PPM1L: variants seen among roughly 807,000 people sequenced by gnomAD.
PPM1L encodes the protein protein phosphatase 1L.
Under a neutral mutation model 31.4 loss-of-function variants are expected in PPM1L, and 13 were observed. That is an observed-to-expected ratio of 0.41 (90% CI 0.27 to 0.66). The LOEUF is 0.66. Ranked by LOEUF, PPM1L falls within the 30% of genes least tolerant of loss-of-function variation. PPM1L has a pLI of 0.29. For synonymous variants in PPM1L, 184 were observed against 175.4 expected, an observed-to-expected ratio of 1.05 and a Z score of -0.39; for missense variants, 326 against 453.7, an observed-to-expected ratio of 0.72 and a Z score of 2.56.
chr3:161,042,795 T>C (rs906504506), intron 2 of PPM1L, among the ~76,000 whole-genome samples: 1 of 151,430 alleles, frequency 6.6e-6, no homozygotes, highest in African/African-American at 2.4e-5. Flanking sequence ...CTGAGGCGGG[T>C]GAATCACGAG....
intron 1 of PPM1L, among the ~76,000 whole-genome samples, chr3:160,889,481 A>C (rs1017795544): frequency 5.9e-5 from 9 of 152,174 alleles, no homozygotes; most frequent in African/African-American, 2.2e-4. Context: ...GAGACCAATA[A>C]AAAGTTCTGA....
In PPM1L at chr3:161,068,987, TG is replaced by T; in HGVS notation, c.916del (p.Asp306MetfsTer26). 1 of 1,614,178 alleles carries T rather than the reference TG, an allele frequency of 6.2e-7. No individual in the cohort carries two copies. The highest frequency in any genetic ancestry group is 8.5e-7 in the Non-Finnish European group (1 of 1,180,020). On this transcript the variant is annotated frameshift_variant, in exon 4 of 4. Transcript: ENST00000498165. LOFTEE classifies it high-confidence loss of function. ...EFMILASDGL[W>X]DAFSNEEAVR... ...CATGATCTTGGCATCAGATGGTCTC[TG>T]GGATGCTTTCAGCAATGAAGAAGCA... is the stretch of plus-strand genomic sequence containing the variant.
rs545812400 is a variant in PPM1L, at chr3:160,976,747, C to T, written c.574+14837C>T. ...CCCCTTTATCATTTTTTATTGCGTC[C>T]ATTTGATTCTTCTCTCTTTTTTTCT... On this transcript the variant is annotated intron_variant, in intron 2 of 3. Transcript: ENST00000498165. Among the ~76,000 whole-genome samples the T allele has an allele frequency of 3.6e-4, 55 of 151,932 alleles. 1 individual carries two copies. The highest frequency in any genetic ancestry group is 1.3e-3 in the South Asian group (6 of 4,794).
intron 2 of PPM1L, among the ~76,000 whole-genome samples, chr3:160,971,014 T>A (rs147087932): frequency 0.011 from 1,608 of 152,272 alleles, 29 homozygotes; most frequent in African/African-American, 0.037. Flanking sequence ...TTATAATTCT[T>A]ACACTTTCCA....
chr3:160,909,297 T>C (rs1713871396), intron 1 of PPM1L, among the ~76,000 whole-genome samples: 1 of 152,068 alleles, frequency 6.6e-6, no homozygotes, highest in Admixed American at 6.6e-5. Flanking sequence ...ATGGAGAACA[T>C]AGATATAAGA....
intron 2 of PPM1L, among the ~76,000 whole-genome samples, chr3:161,037,285 G>A (rs1576798447): frequency 6.6e-6 from 1 of 152,136 alleles, no homozygotes. Flanking sequence ...TGCTCAGGGG[G>A]AAATCAACTG....
intron 1 of PPM1L, among the ~76,000 whole-genome samples, chr3:160,940,100 C>T (rs985953603): frequency 1.3e-4 from 20 of 152,082 alleles, no homozygotes; most frequent in African/African-American, 4.6e-4. Context: ...ATTTTGCCTC[C>T]GCCCTAGAGA....
intron 1 of PPM1L, among the ~76,000 whole-genome samples, chr3:160,817,543 G>A (rs1342025545): frequency 6.6e-6 from 1 of 152,018 alleles, no homozygotes; most frequent in East Asian, 1.9e-4. Flanking sequence ...CTAGCAACGT[G>A]GGAAATCCCA....
Position 161,070,372 on chromosome 3 carries a change from G to A in PPM1L, c.*1215G>A, listed in dbSNP as rs146768336. The A allele has an allele frequency of 6.6e-6, 1 of 152,300 alleles. No homozygotes were observed. Among genetic ancestry groups the A allele is most frequent in the African/African-American group, 2.4e-5 (1 of 41,562 alleles). 9.4% of individuals were successfully genotyped at this position (152,300 alleles called of 1,614,324 possible). ...TGGTTGCAAATCTCCATCCACATCA[G>A]GGAGCTTTCCCCAGGCAAATACAAA... On this transcript the variant is annotated 3_prime_UTR_variant, in exon 4 of 4. Coordinates refer to ENST00000498165, the MANE Select transcript of PPM1L (RefSeq NM_139245.4).
chr3:160,932,977 T>C (rs992264789), intron 1 of PPM1L, among the ~76,000 whole-genome samples: 4 of 152,214 alleles, frequency 2.6e-5, no homozygotes, highest in Admixed American at 6.5e-5. Context: ...CTAGTTCTCT[T>C]TCCCTTTAAA....
chr3:161,032,866 ATTTTTT>A (rs61145165), intron 2 of PPM1L, among the ~76,000 whole-genome samples: 2 of 107,358 alleles, frequency 1.9e-5, no homozygotes, highest in Non-Finnish European at 3.8e-5. Context: ...CTAATTTTGT[ATTTTTT>A]TTTTTTTTTT....
chr3:160,780,528 G>A (rs992076837), intron 1 of PPM1L, among the ~76,000 whole-genome samples: 1 of 152,198 alleles, frequency 6.6e-6, no homozygotes, highest in Non-Finnish European at 1.5e-5. Flanking sequence ...ATAAACAGCT[G>A]CTTGAGTGCA....
intron 1 of PPM1L, among the ~76,000 whole-genome samples, chr3:160,820,965 C>G (rs559841110): frequency 6.6e-6 from 1 of 151,996 alleles, no homozygotes; most frequent in Non-Finnish European, 1.5e-5. Context: ...CTAGCTATTA[C>G]TAAATTGTTC....
At chr3:160,858,082 G>T (rs1576674034) in intron 1 of PPM1L, among the ~76,000 whole-genome samples, 1 of 152,094 alleles carries the variant, frequency 6.6e-6, no homozygotes, top group East Asian at 1.9e-4. Context: ...ATTTGAAATG[G>T]CAGAGTCTAT....
At chr3:161,009,575 T>A (rs1717822407) in intron 2 of PPM1L, among the ~76,000 whole-genome samples, 1 of 152,196 alleles carries the variant, frequency 6.6e-6, no homozygotes. Context: ...AATAACAGCC[T>A]CTCTGCAGCC....
At chr3:160,924,668 A>T (rs1714526386) in intron 1 of PPM1L, among the ~76,000 whole-genome samples, 1 of 152,232 alleles carries the variant, frequency 6.6e-6, no homozygotes. Flanking sequence ...TCAAGGCTTG[A>T]TAGAGATACT....
chr3:160,888,337 A>G (rs1713006415), intron 1 of PPM1L, among the ~76,000 whole-genome samples: 1 of 152,252 alleles, frequency 6.6e-6, no homozygotes, highest in Non-Finnish European at 1.5e-5. Flanking sequence ...ATGGAGGAAT[A>G]TTTAGCAAGC....
At position 160,757,940 on chromosome 3, in the gene PPM1L, A is replaced by G. The variant is rs565221824; in HGVS notation, c.399+1233A>G. ...TGGGTAAACATTGAGAAAGCTTTCA[A>G]CTGGATATCTTATCCGCATTCCTTA... On this transcript the variant is annotated intron_variant, in intron 1 of 3. Coordinates refer to ENST00000498165, the MANE Select transcript of PPM1L (RefSeq NM_139245.4). Among the ~76,000 whole-genome samples, 3 of 152,302 alleles carry G rather than the reference A, an allele frequency of 2.0e-5. No individual in the cohort carries two copies. In the East Asian group the frequency reaches 5.8e-4, roughly 29 times the overall value.
At chr3:160,925,532 C>T (rs968139395) in intron 1 of PPM1L, among the ~76,000 whole-genome samples, 1 of 152,056 alleles carries the variant, frequency 6.6e-6, no homozygotes, top group East Asian at 1.9e-4. Flanking sequence ...AGTGAGTCCT[C>T]GTGTTCTCAG....
Sources: allele counts gnomAD v4.1 joint callset (sites outside exome capture counted in the v4.1 genomes callset), GRCh38; gene constraint gnomAD v4.1.1; transcripts MANE v1.5; gene names NCBI Gene and HGNC (gene_info 2026-07-23, HGNC 2026-07-21).